Variants in AMZ2 observed in about 807,000 individuals in gnomAD.
AMZ2 encodes archaelysin family metallopeptidase 2.
AMZ2 carries 26 observed loss-of-function variants against 36.7 expected under a neutral mutation model. The ratio of observed to expected loss-of-function variants is 0.71; its 90% CI spans 0.52 to 0.98. The LOEUF (loss-of-function observed/expected upper bound fraction) is 0.98. Among genes scored for constraint, AMZ2 ranks in the 50% least tolerant of loss-of-function variants. The pLI is 0.00. For missense variants in AMZ2, 394 were observed against 430.5 expected (o/e 0.92, Z 0.75); for synonymous variants, 144 against 149.1 (o/e 0.97, Z 0.25).
In AMZ2 at chr17:68,248,715, C is replaced by T; in HGVS notation, c.-1+10C>T. The T allele has an allele frequency of 1.0e-6, 1 of 987,678 alleles. No individual in the cohort carries two copies. The highest frequency in any genetic ancestry group is 1.2e-6 in the Non-Finnish European group (1 of 831,360). The allele number at this position is 987,678 out of a possible 1,614,324, so 61.2% of individuals were successfully genotyped here. A position where few individuals can be genotyped will look rare whatever the true frequency, so the allele number is the denominator to read the frequency against. On this transcript the variant is annotated intron_variant, in intron 1 of 6. Transcript: ENST00000359904. The stretch of plus-strand genomic sequence containing the variant: ...TTCCTTCCTAATCAAGGTAGGTAGA[C>T]TACAGGAAGGTACATCTTGTTTTAT...
upstream of AMZ2, chr17:68,247,541 C>T: frequency 3.7e-6 from 3 of 807,344 alleles, no homozygotes; most frequent in Non-Finnish European, 4.5e-6. Flanking sequence ...CCCACACTTG[C>T]GCTTCTGGGT....
chr17:68,206,256 T>C (rs1464277900), intron 1 of AMZ2: 2 of 1,297,148 alleles, frequency 1.5e-6, no homozygotes, highest in African/African-American at 1.5e-5. Context: ...CCCAGCCCAG[T>C]TGCTGCAGAC....
intron 1 of AMZ2, among the ~76,000 whole-genome samples, chr17:68,216,975 G>C (rs1412782093): frequency 2.0e-5 from 3 of 151,088 alleles, no homozygotes; most frequent in East Asian, 3.9e-4. Flanking sequence ...GGAGCTTGCA[G>C]TGAGCCGAGT....
upstream of AMZ2, among the ~76,000 whole-genome samples, chr17:68,243,166 G>C (rs1319329213): frequency 1.4e-5 from 2 of 145,782 alleles, no homozygotes; most frequent in South Asian, 2.1e-4. Context: ...AGACAATCTT[G>C]CTCTGTCACC....
chr17:68,211,392 A>G (rs1427998182), intron 1 of AMZ2, among the ~76,000 whole-genome samples: 4 of 151,788 alleles, frequency 2.6e-5, no homozygotes, highest in Admixed American at 6.6e-5. Context: ...AGTCCCAGCA[A>G]CTCGGGAGGC....
In AMZ2 at chr17:68,248,339, C is replaced by G. The variant is rs1274681047; in HGVS notation, c.-367C>G. 3 of 985,932 alleles carry G rather than the reference C, an allele frequency of 3.0e-6. No individual in the cohort carries two copies. In the African/African-American group the frequency reaches 5.2e-5, roughly 17 times the overall value. 61.1% of individuals were successfully genotyped at this position (985,932 alleles called of 1,614,324 possible). A position where few individuals can be genotyped will look rare whatever the true frequency, so the allele number is the denominator to read the frequency against. On this transcript the variant is annotated 5_prime_UTR_variant, in exon 1 of 7. Coordinates refer to ENST00000359904, the MANE Select transcript of AMZ2 (RefSeq NM_016627.5). ...GGCGAAGCGAGAGTCCCTGGGGAAC[C>G]CCCACTCCACTCCCAGCTGGAGACT...
rs540321135 is a variant in AMZ2 at position 68,239,503 on chromosome 17, G to A, written c.-66-9137G>A. Among the ~76,000 whole-genome samples, 68 of 152,300 alleles carry A rather than the reference G, an allele frequency of 4.5e-4. No individual in the cohort carries two copies. The South Asian group carries it at 0.013, about 29-fold the overall frequency. ...CTCTTAACCCTCTTAATGTCTTCTCGTGTTAAAACGAATTGGTTGTGAGAC... is the reference window on the plus strand; with the variant it reads ...CTCTTAACCCTCTTAATGTCTTCTCATGTTAAAACGAATTGGTTGTGAGAC... On this transcript the variant is annotated intron_variant, in intron 1 of 7. Coordinates refer to the AMZ2 transcript ENST00000674770.
At chr17:68,240,915 T>C (rs2073888182) in intron 1 of AMZ2, among the ~76,000 whole-genome samples, 1 of 152,214 alleles carries the variant, frequency 6.6e-6, no homozygotes, top group South Asian at 2.1e-4. Context: ...TTTTCAGATG[T>C]CAAAGATCTC....
At chr17:68,250,497 G>T (rs782804186) in intron 2 of AMZ2, 27 bp downstream of exon 2, 1 of 1,606,786 alleles carries the variant, frequency 6.2e-7, no homozygotes, top group South Asian at 1.1e-5. Flanking sequence ...TGCTGGTTTT[G>T]GTTCAGTTTT....
rs1432951966 is a variant in AMZ2, at chr17:68,248,057, C to T, written c.-649C>T. On this transcript the variant is annotated 5_prime_UTR_variant, in exon 1 of 7. Transcript: ENST00000359904. ...TGGCGTGGCGCAGTGCGAAGGGACG[C>T]GGTGCGCATGCGCGTGAGGGCTGCC... The T allele has an allele frequency of 6.9e-5, 68 of 986,188 alleles. No homozygotes were observed. Among genetic ancestry groups the T allele is most frequent in the Non-Finnish European group, 7.9e-5 (66 of 830,630 alleles). The allele number at this position is 986,188 out of a possible 1,614,324, so 61.1% of individuals were successfully genotyped here.
chr17:68,207,512 C>G (rs1320451289), intron 1 of AMZ2: 3 of 151,912 alleles, frequency 2.0e-5, no homozygotes, highest in Non-Finnish European at 2.9e-5. Context: ...GAAAAAGGAC[C>G]CTTTTTTCCT....
chr17:68,218,309 T>C (rs2073254556), intron 1 of AMZ2, among the ~76,000 whole-genome samples: 3 of 152,204 alleles, frequency 2.0e-5, no homozygotes, highest in Admixed American at 2.0e-4. Context: ...AGCATGTTTT[T>C]CTGTCACTGT....
chr17:68,246,196 A>T (rs1288083954), upstream of AMZ2, among the ~76,000 whole-genome samples: 2 of 25,794 alleles, frequency 7.8e-5, no homozygotes, highest in African/African-American at 3.8e-4. Context: ...CTAAAAATAC[A>T]AAAAAAAAAA....
chr17:68,220,794 T>A (rs1296697548), intron 1 of AMZ2, among the ~76,000 whole-genome samples: 2 of 150,674 alleles, frequency 1.3e-5, no homozygotes, highest in Admixed American at 1.3e-4. Flanking sequence ...TTTTTTTTTT[T>A]TTTTGAGACA....
At chr17:68,247,505 G>A (rs2074079774), upstream of AMZ2, 1 of 505,648 alleles carries the variant, frequency 2.0e-6, no homozygotes, top group Non-Finnish European at 2.6e-6. Context: ...CGGCCTCGGA[G>A]CGCCAGGGAC....
chr17:68,222,968 C>A (rs2073407318), intron 1 of AMZ2, among the ~76,000 whole-genome samples: 1 of 151,506 alleles, frequency 6.6e-6, no homozygotes, highest in South Asian at 2.1e-4. Context: ...TTGCAGGAAA[C>A]CTTGCCTTCA....
At chr17:68,251,388 G>T (rs2074460156) in intron 4 of AMZ2, 1 of 486,322 alleles carries the variant, frequency 2.1e-6, no homozygotes, top group East Asian at 4.0e-5. Context: ...GACCTTAAAG[G>T]TAACAATACC....
intron 1 of AMZ2, among the ~76,000 whole-genome samples, chr17:68,225,440 A>G (rs1395189141): frequency 6.6e-6 from 1 of 152,158 alleles, no homozygotes; most frequent in Non-Finnish European, 1.5e-5. Context: ...TTAACTCCAT[A>G]CCCAACAGAA....
At chr17:68,208,332 C>T (rs1442821877) in intron 1 of AMZ2, among the ~76,000 whole-genome samples, 1 of 152,208 alleles carries the variant, frequency 6.6e-6, no homozygotes, top group Non-Finnish European at 1.5e-5. Context: ...ATTGTAAATA[C>T]ACCAATCGGC....
Sources: allele counts gnomAD v4.1 joint callset (sites outside exome capture counted in the v4.1 genomes callset), GRCh38; gene constraint gnomAD v4.1.1; transcripts MANE v1.5; gene names NCBI Gene and HGNC (gene_info 2026-07-23, HGNC 2026-07-21).